The following UBE2E2 variants were observed in gnomAD, a reference collection of about 807,000 sequenced individuals.
UBE2E2 encodes ubiquitin-conjugating enzyme E2 E2.
Under a neutral mutation model 24.7 loss-of-function variants are expected in UBE2E2, and 6 were observed. The ratio of observed to expected loss-of-function variants is 0.24; its 90% CI spans 0.13 to 0.48. The LOEUF is 0.48. Among genes scored for constraint, UBE2E2 ranks in the 20% least tolerant of loss-of-function variants. The probability of loss-of-function intolerance (pLI) is 0.99; values close to 1 mark genes in which losing one functional copy is unlikely to be tolerated. For missense variants in UBE2E2, 169 were observed against 245.0 expected, an observed-to-expected ratio of 0.69 and a Z score of 2.07; for synonymous variants, 104 against 83.6, an observed-to-expected ratio of 1.24 and a Z score of -1.33.
chr3:23,285,014 C>G (rs7641764), intron 3 of UBE2E2, among the ~76,000 whole-genome samples: 50,409 of 150,768 alleles, frequency 0.33, 8,689 homozygotes, highest in South Asian at 0.4. Flanking sequence ...CCACTCCCCC[C>G]ACCCCATGCC....
intron 3 of UBE2E2, among the ~76,000 whole-genome samples, chr3:23,384,696 G>C (rs995498115): frequency 6.6e-6 from 1 of 151,388 alleles, no homozygotes; most frequent in Non-Finnish European, 1.5e-5. Context: ...GCACATGCCA[G>C]CACGCCTGGC....
At chr3:23,231,306 A>G (rs1222974611) in intron 3 of UBE2E2, among the ~76,000 whole-genome samples, 2 of 152,136 alleles carry the variant, frequency 1.3e-5, no homozygotes, top group Non-Finnish European at 2.9e-5. Flanking sequence ...TCAGTTCCAC[A>G]TCTTAGTTGG....
chr3:23,430,975 A>G (rs563516117), intron 3 of UBE2E2, among the ~76,000 whole-genome samples: 9 of 152,186 alleles, frequency 5.9e-5, no homozygotes, highest in Non-Finnish European at 1.0e-4. Context: ...CATAACAAAT[A>G]TGAGGGTAAT....
intron 3 of UBE2E2, among the ~76,000 whole-genome samples, chr3:23,323,861 A>G (rs1464549791): frequency 6.6e-6 from 1 of 152,122 alleles, no homozygotes; most frequent in South Asian, 2.1e-4. Context: ...CTCACTTGGT[A>G]CAAGTATTAT....
intron 3 of UBE2E2, among the ~76,000 whole-genome samples, chr3:23,390,587 G>A (rs73041537): frequency 0.13 from 19,699 of 152,226 alleles, 1,371 homozygotes; most frequent in Middle Eastern, 0.2. Context: ...GTAAAAGGCT[G>A]TCTTCCTGAC....
At chr3:23,475,658 T>C (rs548466262) in intron 3 of UBE2E2, among the ~76,000 whole-genome samples, 23 of 152,022 alleles carry the variant, frequency 1.5e-4, no homozygotes, top group African/African-American at 5.6e-4. Context: ...CAGGAAATGG[T>C]AATTTATTTG....
chr3:23,270,812 AAC>A (rs1368124543), intron 3 of UBE2E2: 13 of 407,774 alleles, frequency 3.2e-5, no homozygotes, highest in Non-Finnish European at 6.4e-5. Context: ...GAATTCATTT[AAC>A]ACACTCTCTT....
chr3:23,409,615 C>A (rs1697452646), intron 3 of UBE2E2, among the ~76,000 whole-genome samples: 1 of 152,086 alleles, frequency 6.6e-6, no homozygotes, highest in African/African-American at 2.4e-5. Flanking sequence ...GTGTGTTCTT[C>A]CTTAAGAATC....
At chr3:23,345,237 C>G (rs1183371130) in intron 3 of UBE2E2, among the ~76,000 whole-genome samples, 1 of 152,160 alleles carries the variant, frequency 6.6e-6, no homozygotes, top group Non-Finnish European at 1.5e-5. Flanking sequence ...AATTAAGTGA[C>G]TATACACTGG....
chr3:23,235,665 G>A (rs1024521143), intron 3 of UBE2E2, among the ~76,000 whole-genome samples: 1 of 152,116 alleles, frequency 6.6e-6, no homozygotes, highest in African/African-American at 2.4e-5. Context: ...TTTGAAGTAT[G>A]TTTTTTGAAG....
intron 3 of UBE2E2, among the ~76,000 whole-genome samples, chr3:23,406,830 G>A (rs1037720941): frequency 1.3e-5 from 2 of 152,164 alleles, no homozygotes; most frequent in Non-Finnish European, 2.9e-5. Context: ...TTAAAATTCA[G>A]CCAGCAACAC....
At chr3:23,440,238 C>G (rs1698275318) in intron 3 of UBE2E2, among the ~76,000 whole-genome samples, 1 of 152,098 alleles carries the variant, frequency 6.6e-6, no homozygotes, top group African/African-American at 2.4e-5. Flanking sequence ...CACGCCACTG[C>G]ACTCTAGCCT....
intron 3 of UBE2E2, among the ~76,000 whole-genome samples, chr3:23,265,310 T>G (rs1698016005): frequency 6.6e-6 from 1 of 152,008 alleles, no homozygotes; most frequent in Non-Finnish European, 1.5e-5. Context: ...TACTGAGAAG[T>G]TAGGGTGTCT....
chr3:23,357,122 TC>T (rs1695978638), intron 3 of UBE2E2, among the ~76,000 whole-genome samples: 1 of 152,312 alleles, frequency 6.6e-6, no homozygotes, highest in Admixed American at 6.5e-5. Flanking sequence ...AGTTGCATGG[TC>T]TTACTTCACT....
intron 3 of UBE2E2, among the ~76,000 whole-genome samples, chr3:23,401,579 C>T (rs750380146): frequency 6.6e-5 from 10 of 152,118 alleles, no homozygotes; most frequent in Non-Finnish European, 1.3e-4. Context: ...GAAGCTATAT[C>T]GTTCTAACTT....
At chr3:23,311,903 C>G (rs1422802944) in intron 3 of UBE2E2, among the ~76,000 whole-genome samples, 1 of 152,044 alleles carries the variant, frequency 6.6e-6, no homozygotes, top group Non-Finnish European at 1.5e-5. Context: ...TGGTTTGGAT[C>G]TGTGTCTCCA....
chr3:23,522,519 C>T (rs1441288791), intron 4 of UBE2E2, among the ~76,000 whole-genome samples: 1 of 152,084 alleles, frequency 6.6e-6, no homozygotes, highest in Non-Finnish European at 1.5e-5. Flanking sequence ...AAAATCTAAG[C>T]CTTCAAATAG....
chr3:23,211,250 C>T (rs543409917), intron 2 of UBE2E2, among the ~76,000 whole-genome samples: 1 of 152,214 alleles, frequency 6.6e-6, no homozygotes, highest in Non-Finnish European at 1.5e-5. Flanking sequence ...TTTTATTTCA[C>T]ACTTTTTTGT....
At chr3:23,550,000 T>C (rs1295022562) in intron 5 of UBE2E2, among the ~76,000 whole-genome samples, 2 of 146,976 alleles carry the variant, frequency 1.4e-5, no homozygotes. Context: ...ACCATTGCAC[T>C]CCAGCCTGGG....
Sources: allele counts gnomAD v4.1 joint callset (sites outside exome capture counted in the v4.1 genomes callset), GRCh38; gene constraint gnomAD v4.1.1; transcripts MANE v1.5; gene names NCBI Gene and HGNC (gene_info 2026-07-23, HGNC 2026-07-21).